Variants in DGKB observed in about 807,000 individuals in gnomAD.
DGKB encodes the protein diacylglycerol kinase beta, also known as 90 kDa diacylglycerol kinase.
A neutral mutation model predicts 114.3 loss-of-function variants in DGKB; 67 were observed. The observed-to-expected ratio is 0.59, with a 90% CI of 0.48 to 0.72. The LOEUF (loss-of-function observed/expected upper bound fraction) is 0.72. Ranked by LOEUF, DGKB falls within the 30% of genes least tolerant of loss-of-function variation. The probability of loss-of-function intolerance (pLI) is 0.00; values close to 1 mark genes in which losing one functional copy is unlikely to be tolerated. For missense variants in DGKB, 907 were observed against 975.2 expected (o/e 0.93, Z 0.93); for synonymous variants, 398 against 323.1 (o/e 1.23, Z -2.49).
chr7:14,177,891 A>G, intron 24 of DGKB, 140 bp downstream of exon 24: 1 of 863,746 alleles, frequency 1.2e-6, no homozygotes, highest in Non-Finnish European at 1.6e-6. Context: ...AATGTCCATT[A>G]TTTTGAAATA....
intron 23 of DGKB, among the ~76,000 whole-genome samples, chr7:14,285,463 G>A (rs926339354): frequency 1.7e-4 from 26 of 152,142 alleles, no homozygotes; most frequent in African/African-American, 5.8e-4. Context: ...GGCATTACAA[G>A]TGCAGAAGTC....
At chr7:14,386,575 A>T (rs1222544277) in intron 21 of DGKB, among the ~76,000 whole-genome samples, 2 of 152,242 alleles carry the variant, frequency 1.3e-5, no homozygotes, top group Admixed American at 1.3e-4. Flanking sequence ...ATAGTTGCAC[A>T]GATTTTAGTG....
chr7:14,574,251 C>T lies in DGKB; in HGVS notation c.1731G>A (p.Val577=), dbSNP rs376731438. Residue 577 remains valine (V), a synonymous_variant, in exon 20 of 26, where the codon GTG becomes GTA. Coordinates refer to ENST00000402815, the MANE Select transcript of DGKB (RefSeq NM_001350709.2). ...PNDKDEKGDP[V]PYSIINNYFS... is the part of the protein sequence containing the mutation. ...AGTAATTATTGATGATACTGTAAGG[C>T]ACTGGGTCTCCTTTCTCATCTTTGT... The T allele has an allele frequency of 1.3e-5, 21 of 1,613,294 alleles. No individual in the cohort carries two copies. Among genetic ancestry groups the T allele is most frequent in the Admixed American group, 3.3e-5 (2 of 59,976 alleles).
At chr7:14,587,636 T>C (rs182068099) in intron 17 of DGKB, among the ~76,000 whole-genome samples, 8 of 152,172 alleles carry the variant, frequency 5.3e-5, no homozygotes, top group Admixed American at 2.6e-4. Context: ...CAAACTTCAT[T>C]GTTGTCTTAT....
chr7:14,430,860 A>G (rs943181241), intron 21 of DGKB, among the ~76,000 whole-genome samples: 45 of 152,150 alleles, frequency 3.0e-4, no homozygotes, highest in Non-Finnish European at 5.9e-4. Context: ...TACCATAGCT[A>G]TCTAAGAATC....
At chr7:14,753,869 A>T in intron 4 of DGKB, 59 bp downstream of exon 4, 1 of 1,025,108 alleles carries the variant, frequency 9.8e-7, no homozygotes, top group Non-Finnish European at 1.5e-6. Flanking sequence ...AGAAATTCAT[A>T]GATCATATCA....
rs150300350 is a variant in DGKB, at chr7:14,556,809, T to C, written c.1770+17403A>G. The stretch of plus-strand genomic sequence containing the variant: ...AATTTTATTTTGGAAGCTATGGTTA[T>C]GAGGTATTGATATTGAGGTTTTCAA... On this transcript the variant is annotated intron_variant, in intron 20 of 25. Coordinates refer to ENST00000402815, the MANE Select transcript of DGKB (RefSeq NM_001350709.2). Among the ~76,000 whole-genome samples the C allele has an allele frequency of 9.1e-3, 1,381 of 152,338 alleles. 16 individuals are homozygous for C. Among genetic ancestry groups the C allele is most frequent in the African/African-American group, 0.03 (1,246 of 41,570 alleles).
At chr7:14,936,684 C>T (rs1785287981) in intron 1 of DGKB, among the ~76,000 whole-genome samples, 1 of 152,084 alleles carries the variant, frequency 6.6e-6, no homozygotes, top group Non-Finnish European at 1.5e-5. Context: ...ATCCTCCACC[C>T]CCGCCTTCTT....
At chr7:14,742,017 C>A (rs1394837848) in intron 4 of DGKB, among the ~76,000 whole-genome samples, 1 of 152,122 alleles carries the variant, frequency 6.6e-6, no homozygotes, top group Non-Finnish European at 1.5e-5. Flanking sequence ...TATCTTGCCA[C>A]TCTTAATGAA....
chr7:14,242,275 G>A (rs925173087), intron 23 of DGKB, among the ~76,000 whole-genome samples: 2 of 152,084 alleles, frequency 1.3e-5, no homozygotes, highest in African/African-American at 4.8e-5. Context: ...TGCGAGGTTG[G>A]ATAAATCAGC....
At chr7:14,227,456 T>C (rs1790986941) in intron 23 of DGKB, among the ~76,000 whole-genome samples, 1 of 152,072 alleles carries the variant, frequency 6.6e-6, no homozygotes, top group Non-Finnish European at 1.5e-5. Context: ...ATGAAAAGAA[T>C]AGATCATAAT....
chr7:14,387,180 T>C (rs1820505391), intron 21 of DGKB, among the ~76,000 whole-genome samples: 1 of 151,850 alleles, frequency 6.6e-6, no homozygotes, highest in Non-Finnish European at 1.5e-5. Context: ...TCCCAGCACT[T>C]TGGGAGGCCA....
chr7:14,832,665 C>G (rs1846587780), intron 2 of DGKB, among the ~76,000 whole-genome samples: 1 of 151,972 alleles, frequency 6.6e-6, no homozygotes, highest in African/African-American at 2.4e-5. Flanking sequence ...ATCACTTATT[C>G]TCTTCTTTCT....
chr7:14,808,807 C>G (rs1372273299), intron 2 of DGKB, among the ~76,000 whole-genome samples: 1 of 152,054 alleles, frequency 6.6e-6, no homozygotes, highest in Admixed American at 6.6e-5. Context: ...AAGTCCTTAT[C>G]TTAGATCTGT....
intron 13 of DGKB, among the ~76,000 whole-genome samples, chr7:14,647,510 G>A (rs1033702143): frequency 3.3e-5 from 5 of 152,030 alleles, no homozygotes; most frequent in African/African-American, 9.7e-5. Context: ...ATAACAAAAC[G>A]AAACACAGAC....
chr7:14,498,318 A>G (rs1254037555), intron 20 of DGKB, among the ~76,000 whole-genome samples: 1 of 151,848 alleles, frequency 6.6e-6, no homozygotes, highest in African/African-American at 2.4e-5. Context: ...CATTTTTAAA[A>G]TTGCTCTGCT....
chr7:14,446,660 C>T (rs1830762446), intron 21 of DGKB, among the ~76,000 whole-genome samples: 1 of 152,110 alleles, frequency 6.6e-6, no homozygotes, highest in African/African-American at 2.4e-5. Flanking sequence ...TCTTACTTAG[C>T]TCAATATTTG....
At chr7:14,326,495 A>C (rs924281581) in intron 23 of DGKB, among the ~76,000 whole-genome samples, 1 of 152,158 alleles carries the variant, frequency 6.6e-6, no homozygotes, top group Non-Finnish European at 1.5e-5. Context: ...CTGTGGCAGG[A>C]ATCACCATAG....
chr7:14,819,485 G>A (rs1259689496), intron 2 of DGKB, among the ~76,000 whole-genome samples: 1 of 152,140 alleles, frequency 6.6e-6, no homozygotes, highest in East Asian at 1.9e-4. Flanking sequence ...AGCTATTCGG[G>A]AGGCTGAGGT....
Sources: allele counts gnomAD v4.1 joint callset (sites outside exome capture counted in the v4.1 genomes callset), GRCh38; gene constraint gnomAD v4.1.1; transcripts MANE v1.5; gene names NCBI Gene and HGNC (gene_info 2026-07-23, HGNC 2026-07-21).